HFM1: variants seen among roughly 807,000 people sequenced by gnomAD.
HFM1 encodes helicase for meiosis 1.
A neutral mutation model predicts 192.1 loss-of-function variants in HFM1; 169 were observed. That is an observed-to-expected ratio of 0.88 (90% CI 0.78 to 1.00). HFM1 has a LOEUF of 1.00. HFM1 is among the 50% of genes least tolerant of loss of function. The probability of loss-of-function intolerance (pLI) is 0.00; values close to 1 mark genes in which losing one functional copy is unlikely to be tolerated. For synonymous variants in HFM1, 525 were observed against 537.8 expected (o/e 0.98, Z 0.33); for missense variants, 1,661 against 1,668.0 (o/e 1.00, Z 0.07).
At chr1:91,313,205 A>T in intron 30 of HFM1, 144 bp downstream of exon 30, 1 of 500,074 alleles carries the variant, frequency 2.0e-6, no homozygotes, top group Non-Finnish European at 3.5e-6. Flanking sequence ...TCTCTACTAT[A>T]TACTATTAAT....
At chr1:91,405,638 G>A (rs1664764658), upstream of HFM1, among the ~76,000 whole-genome samples, 1 of 152,084 alleles carries the variant, frequency 6.6e-6, no homozygotes, top group East Asian at 1.9e-4. Context: ...CATCCTCAGT[G>A]ATACTCATAA....
At chr1:91,372,871 C>CT (rs1464635567) in intron 13 of HFM1, among the ~76,000 whole-genome samples, 1 of 152,088 alleles carries the variant, frequency 6.6e-6, no homozygotes, top group Non-Finnish European at 1.5e-5. Flanking sequence ...ACTTCATCTA[C>CT]TTTTTGACTG....
chr1:91,316,749 C>T (rs189343813), intron 25 of HFM1, among the ~76,000 whole-genome samples: 5 of 152,186 alleles, frequency 3.3e-5, no homozygotes, highest in Admixed American at 2.6e-4. Context: ...TTCTACTATA[C>T]GTCATCCATA....
chr1:91,380,039 C>A, intron 8 of HFM1, 65 bp downstream of exon 8: 3 of 738,792 alleles, frequency 4.1e-6, no homozygotes, highest in Non-Finnish European at 6.0e-6. Flanking sequence ...GAATTTATTT[C>A]TTCATTTTGC....
intron 20 of HFM1, among the ~76,000 whole-genome samples, chr1:91,341,679 T>C (rs557584733): frequency 1.3e-5 from 2 of 151,922 alleles, no homozygotes; most frequent in Non-Finnish European, 2.9e-5. Flanking sequence ...ATAAGATTGA[T>C]AGACTGCTAG....
intron 15 of HFM1, 35 bp from the exon 16 acceptor site, chr1:91,352,686 T>C (rs756421917): frequency 1.3e-6 from 2 of 1,498,366 alleles, no homozygotes; most frequent in African/African-American, 2.8e-5. Context: ...TTTTGAGCCA[T>C]TTAACTTTGT....
chr1:91,380,959 T>C lies in HFM1; in HGVS notation c.826A>G (p.Lys276Glu). Residue 276 changes from lysine to glutamate, a missense_variant, in exon 7 of 39, where the codon AAA (lysine) becomes GAA (glutamate). Lys to Glu is a moderately conservative substitution (Grantham distance 56, BLOSUM62 1). Coordinates refer to ENST00000370425, the MANE Select transcript of HFM1 (RefSeq NM_001017975.6). ...EIPAKFRSIF[K>E]EFPYFNYIQS... is the part of the protein sequence containing the mutation. ...ATATAGTTGAAATATGGAAATTCTT[T>C]GAAAATACTTCTAAATTTTGCCGCT... 6.8e-7 allele frequency: 1 copy of C among 1,460,126 alleles called. No individual in the cohort carries two copies. Among genetic ancestry groups the C allele is most frequent in the South Asian group, 1.2e-5 (1 of 86,468 alleles). 90.4% of individuals were successfully genotyped at this position (1,460,126 alleles called of 1,614,324 possible). A position where few individuals can be genotyped will look rare whatever the true frequency, so the allele number is the denominator to read the frequency against.
At chr1:91,291,087 C>T (rs1267531255) in intron 30 of HFM1, among the ~76,000 whole-genome samples, 2 of 151,970 alleles carry the variant, frequency 1.3e-5, no homozygotes, top group East Asian at 3.9e-4. Flanking sequence ...TAAATGCCCA[C>T]AATAGAAAGC....
At chr1:91,316,558 A>G in intron 25 of HFM1, 82 bp from the exon 26 acceptor site, 2 of 573,248 alleles carry the variant, frequency 3.5e-6, no homozygotes, top group Non-Finnish European at 5.5e-6. Flanking sequence ...CAACTAAATT[A>G]GTAAAAAAAA....
At chr1:91,304,384 T>C (rs1649299025) in intron 30 of HFM1, among the ~76,000 whole-genome samples, 2 of 152,208 alleles carry the variant, frequency 1.3e-5, no homozygotes. Flanking sequence ...TTATATGTCA[T>C]ACCTAAGAAA....
chr1:91,316,834 G>C (rs965838593), intron 25 of HFM1, among the ~76,000 whole-genome samples: 5 of 152,164 alleles, frequency 3.3e-5, no homozygotes, highest in Non-Finnish European at 7.3e-5. Flanking sequence ...GATCATGCTT[G>C]AATGAAGCGA....
At position 91,385,839 on chromosome 1, in the gene HFM1, A is replaced by C; in HGVS notation, c.495-5T>G. 1 of 1,585,140 alleles carries C rather than the reference A, an allele frequency of 6.3e-7. No individual in the cohort carries two copies. Among genetic ancestry groups the C allele is most frequent in the Non-Finnish European group, 8.6e-7 (1 of 1,165,690 alleles). On this transcript the variant is annotated splice_region_variant and splice_polypyrimidine_tract_variant and intron_variant, in intron 4 of 38. Transcript: ENST00000370425. ...TTGTCAGATATTTTAAATAATCTGC[A>C]AACAAAAAAAAGACCCACATATTTT...
At chr1:91,274,839 A>G (rs1666659897) in intron 32 of HFM1, 30 bp from the exon 33 acceptor site, 3 of 1,181,196 alleles carry the variant, frequency 2.5e-6, no homozygotes, top group Admixed American at 3.6e-5. Flanking sequence ...AAGTTCAACT[A>G]TCAGTTTCAC....
intron 19 of HFM1, among the ~76,000 whole-genome samples, chr1:91,343,963 C>T (rs1403013295): frequency 2.0e-5 from 3 of 152,198 alleles, no homozygotes; most frequent in African/African-American, 7.2e-5. Context: ...CTTTAAACTT[C>T]TATCAAAGAT....
At chr1:91,300,958 TAA>T (rs1394970449) in intron 30 of HFM1, among the ~76,000 whole-genome samples, 3 of 152,232 alleles carry the variant, frequency 2.0e-5, no homozygotes, top group African/African-American at 7.2e-5. Context: ...GAGAAGGAAA[TAA>T]AGAGTATTCG....
At chr1:91,389,132 GTTTTTTTTTTTTT>G (rs34874992) in intron 4 of HFM1, among the ~76,000 whole-genome samples, 3 of 82,522 alleles carry the variant, frequency 3.6e-5, no homozygotes, top group Non-Finnish European at 6.7e-5. Context: ...TTTTTGTTGG[GTTTTTTTTTTTTT>G]TTTTTTTTTG....
intron 13 of HFM1, among the ~76,000 whole-genome samples, chr1:91,356,938 CATA>C (rs1657825005): frequency 6.6e-6 from 1 of 152,080 alleles, no homozygotes; most frequent in South Asian, 2.1e-4. Flanking sequence ...ACCAATAACA[CATA>C]ATGAGATTGA....
chr1:91,311,950 G>A (rs1039467828), intron 30 of HFM1, among the ~76,000 whole-genome samples: 6 of 152,208 alleles, frequency 3.9e-5, no homozygotes, highest in African/African-American at 1.4e-4. Context: ...TCAACATACA[G>A]CTCCAGCTGT....
intron 4 of HFM1, among the ~76,000 whole-genome samples, chr1:91,390,817 C>T (rs1360162405): frequency 6.6e-6 from 1 of 152,116 alleles, no homozygotes. Flanking sequence ...GTCAAATTGT[C>T]CCTGTTTGCA....
Sources: allele counts gnomAD v4.1 joint callset (sites outside exome capture counted in the v4.1 genomes callset), GRCh38; gene constraint gnomAD v4.1.1; transcripts MANE v1.5; gene names NCBI Gene and HGNC (gene_info 2026-07-23, HGNC 2026-07-21).